Variants in IMMP2L observed in about 807,000 individuals in gnomAD.
IMMP2L encodes mitochondrial inner membrane protease subunit 2.
Under a neutral mutation model 19.3 loss-of-function variants are expected in IMMP2L, and 18 were observed. That is an observed-to-expected ratio of 0.93 (90% CI 0.64 to 1.38). The LOEUF (loss-of-function observed/expected upper bound fraction) is 1.38, where lower values mean the gene tolerates loss of function less well. Among genes scored for constraint, IMMP2L ranks in the 40% most tolerant of loss-of-function variants. IMMP2L has a pLI of 0.00. For missense variants in IMMP2L, 233 were observed against 218.2 expected (o/e 1.07, Z -0.43); for synonymous variants, 76 against 73.0 (o/e 1.04, Z -0.21).
chr7:110,827,019 C>T (rs994752106), intron 5 of IMMP2L, among the ~76,000 whole-genome samples: 1 of 151,988 alleles, frequency 6.6e-6, no homozygotes, highest in African/African-American at 2.4e-5. Context: ...TACAAAGACA[C>T]CAGGAGTTGT....
chr7:111,052,972 A>G (rs898367829), intron 3 of IMMP2L, among the ~76,000 whole-genome samples: 5 of 152,178 alleles, frequency 3.3e-5, no homozygotes, highest in Admixed American at 6.5e-5. Context: ...AAGCTTAGCT[A>G]TATCTGTATC....
At chr7:111,546,019 C>T (rs1184626870) in intron 1 of IMMP2L, among the ~76,000 whole-genome samples, 1 of 152,082 alleles carries the variant, frequency 6.6e-6, no homozygotes, top group Non-Finnish European at 1.5e-5. Flanking sequence ...TGATTTACTA[C>T]ATCCTGAAGA....
At chr7:111,489,541 G>A (rs955902290) in intron 2 of IMMP2L, among the ~76,000 whole-genome samples, 14 of 152,132 alleles carry the variant, frequency 9.2e-5, no homozygotes, top group African/African-American at 9.7e-5. Context: ...AATAGTGAAC[G>A]CAGGGCAACA....
chr7:110,861,722 C>T (rs1401282701), intron 5 of IMMP2L, among the ~76,000 whole-genome samples: 2 of 147,708 alleles, frequency 1.4e-5, no homozygotes, highest in African/African-American at 2.7e-5. Context: ...TCCCAAAAGC[C>T]TGTTAATGAC....
intron 3 of IMMP2L, among the ~76,000 whole-genome samples, chr7:111,279,738 T>C (rs1819494612): frequency 1.3e-5 from 2 of 152,046 alleles, no homozygotes; most frequent in Admixed American, 6.6e-5. Flanking sequence ...AAGAACAAAG[T>C]GGACCTTGGG....
At chr7:111,482,534 C>T (rs893164854) in intron 3 of IMMP2L, among the ~76,000 whole-genome samples, 1 of 152,116 alleles carries the variant, frequency 6.6e-6, no homozygotes, top group Non-Finnish European at 1.5e-5. Flanking sequence ...ACACAGCTCT[C>T]CTTCTTTGCT....
rs1302198959 is a variant in IMMP2L, at chr7:111,082,874, AT to A, written c.240-119310del. On this transcript the variant is annotated intron_variant, in intron 3 of 5. Transcript: ENST00000405709. ...TTTTGCCAAAAAAAAAAAAAAAAAA[AT>A]GACACGTGTTGCTCTTTTGTTTGAT... is the stretch of plus-strand genomic sequence containing the variant. Among the ~76,000 whole-genome samples the A allele has an allele frequency of 9.2e-4, 139 of 151,154 alleles. 1 individual carries two copies. Among genetic ancestry groups the A allele is most frequent in the African/African-American group, 6.1e-4 (25 of 41,212 alleles).
intron 3 of IMMP2L, among the ~76,000 whole-genome samples, chr7:111,349,443 T>C (rs576257585): frequency 7.9e-5 from 12 of 152,284 alleles, no homozygotes; most frequent in African/African-American, 2.6e-4. Context: ...TTTTAAATTT[T>C]TGAGCAAAGT....
At chr7:111,242,319 C>T (rs1364252403) in intron 3 of IMMP2L, among the ~76,000 whole-genome samples, 1 of 151,966 alleles carries the variant, frequency 6.6e-6, no homozygotes, top group African/African-American at 2.4e-5. Context: ...TCTCTTCCAA[C>T]GTTATTTATG....
chr7:111,221,974 C>T (rs1794393261), intron 3 of IMMP2L, among the ~76,000 whole-genome samples: 1 of 151,964 alleles, frequency 6.6e-6, no homozygotes, highest in South Asian at 2.1e-4. Flanking sequence ...GAGATGGCAT[C>T]ACAGTCAGCA....
chr7:111,100,984 T>A (rs1797909087), intron 3 of IMMP2L, among the ~76,000 whole-genome samples: 1 of 151,572 alleles, frequency 6.6e-6, no homozygotes, highest in African/African-American at 2.4e-5. Flanking sequence ...TGAACATTTA[T>A]AAGTTTAAAA....
chr7:111,343,186 A>C (rs1827195106), intron 3 of IMMP2L, among the ~76,000 whole-genome samples: 1 of 152,094 alleles, frequency 6.6e-6, no homozygotes, highest in Non-Finnish European at 1.5e-5. Flanking sequence ...ATCTTTGTTA[A>C]ATGTTAATTG....
At chr7:111,378,378 A>G (rs1385158153) in intron 3 of IMMP2L, among the ~76,000 whole-genome samples, 1 of 152,016 alleles carries the variant, frequency 6.6e-6, no homozygotes, top group East Asian at 1.9e-4. Context: ...TGTCACAAAT[A>G]TAAAAATTGA....
chr7:110,848,467 A>C (rs1173113200), intron 5 of IMMP2L, among the ~76,000 whole-genome samples: 1 of 152,190 alleles, frequency 6.6e-6, no homozygotes, highest in East Asian at 1.9e-4. Flanking sequence ...ATGGGAATGT[A>C]AAATGATAGT....
chr7:110,782,941 A>G (rs1221259226), intron 5 of IMMP2L, among the ~76,000 whole-genome samples: 1 of 151,900 alleles, frequency 6.6e-6, no homozygotes, highest in Admixed American at 6.6e-5. Flanking sequence ...CTGAAGCCCA[A>G]TAAAATAATG....
intron 1 of IMMP2L, among the ~76,000 whole-genome samples, chr7:111,542,060 A>G (rs1848546253): frequency 6.6e-6 from 1 of 152,100 alleles, no homozygotes; most frequent in Non-Finnish European, 1.5e-5. Context: ...ATTTTCGTAT[A>G]TTTTGGATAT....
intron 3 of IMMP2L, among the ~76,000 whole-genome samples, chr7:111,352,395 G>T: frequency 7.1e-6 from 1 of 141,626 alleles, no homozygotes; most frequent in Admixed American, 7.2e-5. Context: ...TTTTGATAGA[G>T]ATGGGGTATC....
chr7:110,875,916 G>A (rs1011440318), intron 5 of IMMP2L, among the ~76,000 whole-genome samples: 1 of 151,980 alleles, frequency 6.6e-6, no homozygotes, highest in South Asian at 2.1e-4. Context: ...CACTGAGTAC[G>A]TCCTAATTTA....
intron 4 of IMMP2L, among the ~76,000 whole-genome samples, chr7:110,916,963 C>T (rs995860215): frequency 1.3e-5 from 2 of 152,132 alleles, no homozygotes; most frequent in African/African-American, 4.8e-5. Context: ...TTCTAATCCC[C>T]AGAACCTATG....
Sources: gnomAD v4.1 joint callset for allele counts (sites outside exome capture counted in the v4.1 genomes callset) on GRCh38, gnomAD v4.1.1 for gene constraint, MANE v1.5 for transcripts, NCBI Gene and HGNC (gene_info 2026-07-23, HGNC 2026-07-21) for gene names.